The following DYNC2LI1 variants were observed in gnomAD, a reference collection of about 807,000 sequenced individuals.
The protein encoded by DYNC2LI1 is cytoplasmic dynein 2 light intermediate chain 1.
A neutral mutation model predicts 51.9 loss-of-function variants in DYNC2LI1; 45 were observed. The ratio of observed to expected loss-of-function variants is 0.87; its 90% confidence interval spans 0.68 to 1.11. The LOEUF (loss-of-function observed/expected upper bound fraction) is 1.11, where lower values mean the gene tolerates loss of function less well. DYNC2LI1 is among the 50% of genes most tolerant of loss of function. The pLI, the probability that DYNC2LI1 is intolerant of heterozygous loss-of-function variation, is 0.00. For synonymous variants in DYNC2LI1, 130 were observed against 137.8 expected (o/e 0.94, Z 0.40); for missense variants, 490 against 417.4 (o/e 1.17, Z -1.51).
intron 5 of DYNC2LI1, 131 bp downstream of exon 5, chr2:43,789,852 T>C: frequency 1.5e-6 from 1 of 659,148 alleles, no homozygotes; most frequent in Non-Finnish European, 2.5e-6. Flanking sequence ...CCACTTCCTT[T>C]CTAAATGCCT....
intron 10 of DYNC2LI1, among the ~76,000 whole-genome samples, chr2:43,803,432 C>T (rs1572718984): frequency 6.6e-6 from 1 of 152,074 alleles, no homozygotes; most frequent in Admixed American, 6.6e-5. Flanking sequence ...AGATTACATA[C>T]AGTGTGATTC....
intron 12 of DYNC2LI1, among the ~76,000 whole-genome samples, chr2:43,808,296 C>A (rs1237134594): frequency 6.6e-6 from 1 of 151,138 alleles, no homozygotes; most frequent in Admixed American, 6.6e-5. Flanking sequence ...AAAATTCTTC[C>A]TAAGTCTATA....
chr2:43,790,143 T>C (rs1427243224), intron 5 of DYNC2LI1, among the ~76,000 whole-genome samples: 2 of 152,224 alleles, frequency 1.3e-5, no homozygotes, highest in African/African-American at 2.4e-5. Flanking sequence ...ATTAATATTC[T>C]TGAAGCTTCA....
At chr2:43,782,263 A>G (rs1017235018) in intron 2 of DYNC2LI1, among the ~76,000 whole-genome samples, 4 of 152,258 alleles carry the variant, frequency 2.6e-5, no homozygotes, top group South Asian at 2.1e-4. Context: ...TCCTTCAATA[A>G]TATACATTTT....
chr2:43,781,748 G>C (rs1035629399), intron 2 of DYNC2LI1: 4 of 151,952 alleles, frequency 2.6e-5, no homozygotes, highest in Middle Eastern at 3.4e-3. Context: ...GACTGCAGGT[G>C]CCCACGACCA....
the DYNC2LI1 span, among the ~76,000 whole-genome samples, chr2:43,823,426 T>C: frequency 6.6e-6 from 1 of 152,214 alleles, no homozygotes; most frequent in African/African-American, 2.4e-5. Context: ...TCTTATTCCC[T>C]AACAGTGTTG....
chr2:43,823,474 G>A, the DYNC2LI1 span, among the ~76,000 whole-genome samples: 2 of 152,094 alleles, frequency 1.3e-5, no homozygotes, highest in African/African-American at 2.4e-5. Flanking sequence ...TTCCTGCAAC[G>A]TTAGGCAACC....
chr2:43,814,729 A>G (rs540912495), downstream of DYNC2LI1: 1 of 592,146 alleles, frequency 1.7e-6, no homozygotes, highest in East Asian at 2.9e-5. Flanking sequence ...CTCACTATAA[A>G]AAAACCTTCA....
intron 1 of DYNC2LI1, among the ~76,000 whole-genome samples, chr2:43,775,258 T>G (rs1271061068): frequency 5.3e-5 from 8 of 152,128 alleles, no homozygotes; most frequent in Admixed American, 3.9e-4. Context: ...AATGAAGGAT[T>G]TAAAGAGGTT....
intron 10 of DYNC2LI1, among the ~76,000 whole-genome samples, chr2:43,802,292 A>G (rs1666101020): frequency 6.6e-6 from 1 of 151,904 alleles, no homozygotes; most frequent in Non-Finnish European, 1.5e-5. Flanking sequence ...AACTGTTTTC[A>G]TTGTGAAGAT....
chr2:43,813,247 T>C (rs199967611), downstream of DYNC2LI1: 24 of 1,613,956 alleles, frequency 1.5e-5, no homozygotes, highest in Middle Eastern at 1.6e-4. Context: ...GTTTTCTCAA[T>C]GAATTGAATT....
At chr2:43,824,480 G>A in the DYNC2LI1 span, 6 of 1,604,258 alleles carry the variant, frequency 3.7e-6, no homozygotes, top group South Asian at 1.1e-5. Context: ...TTAAATGCAT[G>A]TATGTACATG....
chr2:43,794,851 A>T (rs1205827138), intron 6 of DYNC2LI1: 1 of 1,434,066 alleles, frequency 7.0e-7, no homozygotes, highest in African/African-American at 1.4e-5. Flanking sequence ...CTTGTTAGAC[A>T]TCTTCTGTGA....
chr2:43,820,202 G>A, the DYNC2LI1 span: 2 of 1,419,628 alleles, frequency 1.4e-6, no homozygotes, highest in Non-Finnish European at 1.9e-6. Context: ...GAGTGGGTGG[G>A]AGAAGTTTGC....
chr2:43,817,587 C>T, the DYNC2LI1 span, among the ~76,000 whole-genome samples: 1 of 151,850 alleles, frequency 6.6e-6, no homozygotes, highest in African/African-American at 2.4e-5. Context: ...CAGATAAACC[C>T]ATCATAAGTT....
At chr2:43,811,497 C>T (rs112655259), downstream of DYNC2LI1, among the ~76,000 whole-genome samples, 5 of 152,304 alleles carry the variant, frequency 3.3e-5, no homozygotes, top group African/African-American at 1.2e-4. Flanking sequence ...CATATTCTCA[C>T]CCAAAGTTAC....
At chr2:43,823,809 G>T in the DYNC2LI1 span, 1 of 1,353,004 alleles carries the variant, frequency 7.4e-7, no homozygotes, top group Non-Finnish European at 1.0e-6. Flanking sequence ...GCTGGGTTTA[G>T]CTCAGAGAAA....
intron 5 of DYNC2LI1, chr2:43,794,097 T>C: frequency 5.2e-6 from 1 of 190,892 alleles, no homozygotes. Flanking sequence ...TGTTACTGTT[T>C]TTGCTTCTTT....
At chr2:43,809,012 A>G (rs943848563) in intron 12 of DYNC2LI1, among the ~76,000 whole-genome samples, 1 of 151,078 alleles carries the variant, frequency 6.6e-6, no homozygotes, top group Non-Finnish European at 1.5e-5. Context: ...TTTTTGTGAC[A>G]GGATCTCACT....
Sources: gnomAD v4.1 joint callset for allele counts (sites outside exome capture counted in the v4.1 genomes callset) on GRCh38, gnomAD v4.1.1 for gene constraint, MANE v1.5 for transcripts, NCBI Gene and HGNC (gene_info 2026-07-23, HGNC 2026-07-21) for gene names.